Variants in USP40 observed in about 807,000 individuals in gnomAD.
The protein encoded by USP40 is ubiquitin specific peptidase 40.
Under a neutral mutation model 166.2 loss-of-function variants are expected in USP40, and 143 were observed. The ratio of observed to expected loss-of-function variants is 0.86; its 90% CI spans 0.75 to 0.99. The LOEUF (loss-of-function observed/expected upper bound fraction) is 0.99, where lower values mean the gene tolerates loss of function less well. Among genes scored for constraint, USP40 ranks in the 50% least tolerant of loss-of-function variants. The pLI is 0.00. For synonymous variants in USP40, 498 were observed against 524.0 expected (o/e 0.95, Z 0.68); for missense variants, 1,444 against 1,479.7 (o/e 0.98, Z 0.40).
intron 22 of USP40, among the ~76,000 whole-genome samples, chr2:233,499,051 A>G (rs1441777779): frequency 6.6e-6 from 1 of 152,144 alleles, no homozygotes; most frequent in Non-Finnish European, 1.5e-5. Flanking sequence ...CCTGTTACAC[A>G]GGTAAACGTG....
chr2:233,490,714 A>G (rs1019004111), intron 26 of USP40, among the ~76,000 whole-genome samples: 4 of 152,186 alleles, frequency 2.6e-5, no homozygotes, highest in African/African-American at 4.8e-5. Flanking sequence ...ACAACACAAT[A>G]CCTAGAATAT....
At chr2:233,555,297 G>C (rs2070966400) in intron 5 of USP40, among the ~76,000 whole-genome samples, 1 of 152,156 alleles carries the variant, frequency 6.6e-6, no homozygotes, top group South Asian at 2.1e-4. Context: ...AACTACATTT[G>C]AATCACAATA....
chr2:233,484,902 T>TG (rs1267817155), intron 30 of USP40, among the ~76,000 whole-genome samples: 1 of 152,220 alleles, frequency 6.6e-6, no homozygotes, highest in Non-Finnish European at 1.5e-5. Flanking sequence ...CCCGTGTTGT[T>TG]TAGTACAGTG....
At chr2:233,515,965 C>T (rs1448314406) in intron 18 of USP40, among the ~76,000 whole-genome samples, 2 of 152,216 alleles carry the variant, frequency 1.3e-5, no homozygotes, top group Non-Finnish European at 2.9e-5. Context: ...AATACCTTGG[C>T]ACCTTTGTTG....
At chr2:233,511,453 G>C (rs2066829440) in intron 20 of USP40, among the ~76,000 whole-genome samples, 1 of 152,176 alleles carries the variant, frequency 6.6e-6, no homozygotes, top group African/African-American at 2.4e-5. Flanking sequence ...TATAGTGGTT[G>C]AAAGTGGTGG....
Position 233,520,982 on chromosome 2 carries a change from T to C in USP40, c.2325+9A>G. The C allele has an allele frequency of 6.2e-7, 1 of 1,607,624 alleles. No homozygotes were observed. Among genetic ancestry groups the C allele is most frequent in the Non-Finnish European group, 8.5e-7 (1 of 1,177,934 alleles). On this transcript the variant is annotated intron_variant, in intron 17 of 31. Coordinates refer to ENST00000678225, the MANE Select transcript of USP40 (RefSeq NM_001365479.2). ...TCTATCAGCCAACCTTTAATTATAT[T>C]CTACTCACTGTGTTAACAGTTGCTG...
chr2:233,540,009 C>T (rs913735251), intron 10 of USP40, among the ~76,000 whole-genome samples: 47 of 151,594 alleles, frequency 3.1e-4, no homozygotes, highest in African/African-American at 1.1e-3. Context: ...CCTGTAGTCC[C>T]AGCTACTCAG....
chr2:233,486,714 T>C lies in USP40; in HGVS notation c.3198-737A>G, dbSNP rs2064971492. ...TCAAAAGAGGTCACGCAATGAGAAA[T>C]GAAATGACTGGAAGAAAGAGAGTTC... On this transcript the variant is annotated intron_variant, in intron 28 of 31. Transcript: ENST00000678225. This position sits in a 1 kb window ranked among gnomAD's most constrained non-coding sequence, Gnocchi z 4.0. Among the ~76,000 whole-genome samples the C allele has an allele frequency of 6.6e-6, 1 of 152,052 alleles. No individual in the cohort carries two copies. Among genetic ancestry groups the C allele is most frequent in the Non-Finnish European group, 1.5e-5 (1 of 68,010 alleles).
At chr2:233,551,877 T>G (rs1371428881) in intron 6 of USP40, among the ~76,000 whole-genome samples, 2 of 152,220 alleles carry the variant, frequency 1.3e-5, no homozygotes, top group Non-Finnish European at 2.9e-5. Context: ...TTTTAATCAG[T>G]GAAGAACTGG....
chr2:233,494,784 C>T (rs2125083007), intron 24 of USP40, among the ~76,000 whole-genome samples: 1 of 141,762 alleles, frequency 7.1e-6, no homozygotes, highest in East Asian at 2.1e-4. Context: ...ATGATCATGC[C>T]ACTGTACTTC....
chr2:233,518,414 A>T (rs1215479614), intron 18 of USP40, among the ~76,000 whole-genome samples: 1 of 151,758 alleles, frequency 6.6e-6, no homozygotes, highest in African/African-American at 2.4e-5. Context: ...TAAAAACACA[A>T]AAATTAGCTG....
chr2:233,560,939 A>G (rs552132647), intron 3 of USP40: 11 of 689,866 alleles, frequency 1.6e-5, no homozygotes, highest in Non-Finnish European at 2.9e-5. Flanking sequence ...AGAGTGTTAC[A>G]TGTTTATAAA....
At chr2:233,516,228 T>C (rs1308674581) in intron 18 of USP40, among the ~76,000 whole-genome samples, 6 of 152,224 alleles carry the variant, frequency 3.9e-5, no homozygotes, top group Non-Finnish European at 7.3e-5. Flanking sequence ...TCAGATAGTG[T>C]AACTCTTCCA....
chr2:233,563,873 T>G (rs1337111039), intron 2 of USP40, among the ~76,000 whole-genome samples: 4 of 152,110 alleles, frequency 2.6e-5, no homozygotes, highest in Admixed American at 2.6e-4. Flanking sequence ...CTCTCAGTAC[T>G]ACTCTTGCCT....
At position 233,498,579 on chromosome 2, in the gene USP40, C is replaced by T; in HGVS notation, c.2684G>A (p.Cys895Tyr). The part of the protein sequence containing the change: ...DAWHLRKMDW[C>Y]YEAGEPLCEE... ...ACATAAAGGCTCTCCAGCTTCATAG[C>T]ACCAATCCATTTTTCGTAAATGCCA... Residue 895 changes from cysteine (C) to tyrosine (Y), a missense_variant, in exon 23 of 32, where the codon TGC becomes TAC. Transcript: ENST00000678225. The T allele has an allele frequency of 6.2e-7, 1 of 1,613,442 alleles. No homozygotes were observed. The highest frequency in any genetic ancestry group is 8.5e-7 in the Non-Finnish European group (1 of 1,179,620).
At chr2:233,535,430 TAAA>T (rs1400798351) in intron 10 of USP40, among the ~76,000 whole-genome samples, 1 of 152,190 alleles carries the variant, frequency 6.6e-6, no homozygotes, top group Non-Finnish European at 1.5e-5. Context: ...AGTAACCATT[TAAA>T]AATGTAAGGC....
In USP40 at chr2:233,476,809, T is replaced by C. The variant is rs1313488017; in HGVS notation, c.*583A>G. On this transcript the variant is annotated 3_prime_UTR_variant, in exon 32 of 32. Transcript: ENST00000678225. ...TCCTCGTGGAAAGAGCTCGCACTTTTCAGCATCGCAGTTTTAACTCAGACC... is the reference window on the plus strand; with the variant it reads ...TCCTCGTGGAAAGAGCTCGCACTTTCCAGCATCGCAGTTTTAACTCAGACC... 1 of 164,382 alleles carries C rather than the reference T, an allele frequency of 6.1e-6. No homozygotes were observed. Among genetic ancestry groups the C allele is most frequent in the East Asian group, 1.8e-4 (1 of 5,622 alleles). The allele number at this position is 164,382 out of a possible 1,614,324, so 10.2% of individuals were successfully genotyped here.
intron 25 of USP40, among the ~76,000 whole-genome samples, chr2:233,492,143 T>C (rs961726002): frequency 6.6e-6 from 1 of 152,270 alleles, no homozygotes; most frequent in Non-Finnish European, 1.5e-5. Context: ...TACTGTATTT[T>C]CACTGTACCT....
In USP40 at chr2:233,566,729, G is replaced by A; in HGVS notation, c.-65C>T. The A allele has an allele frequency of 2.0e-6, 2 of 985,968 alleles. No homozygotes were observed. Among genetic ancestry groups the A allele is most frequent in the South Asian group, 4.7e-5 (1 of 21,296 alleles). The allele number at this position is 985,968 out of a possible 1,614,324, so 61.1% of individuals were successfully genotyped here. ...GCCCTGGCCAAAACGCGAAGCGAACGAACCCGCCCCAACTGGGCGCCGCCA... is the reference window on the plus strand; with the variant it reads ...GCCCTGGCCAAAACGCGAAGCGAACAAACCCGCCCCAACTGGGCGCCGCCA... On this transcript the variant is annotated 5_prime_UTR_variant, in exon 1 of 32. Coordinates refer to ENST00000678225, the MANE Select transcript of USP40 (RefSeq NM_001365479.2).
Sources: gnomAD v4.1 joint callset for allele counts (sites outside exome capture counted in the v4.1 genomes callset) on GRCh38, gnomAD v4.1.1 for gene constraint, Gnocchi (gnomAD v3.1) non-coding constraint, MANE v1.5 for transcripts, NCBI Gene and HGNC (gene_info 2026-07-23, HGNC 2026-07-21) for gene names.